Variants in CHODL observed in about 807,000 individuals in gnomAD.
CHODL encodes transmembrane protein MT75.
CHODL carries 29 observed loss-of-function variants against 34.5 expected under a neutral mutation model. That is an observed-to-expected ratio of 0.84 (90% CI 0.63 to 1.15). CHODL has a LOEUF of 1.15. CHODL is among the 50% of genes most tolerant of loss of function. The pLI, the probability that CHODL is intolerant of heterozygous loss-of-function variation, is 0.00. For synonymous variants in CHODL, 125 were observed against 116.1 expected (o/e 1.08, Z -0.49); for missense variants, 332 against 332.5 (o/e 1.00, Z 0.01).
chr21:17,979,867 T>C (rs565970856), intron 1 of CHODL, among the ~76,000 whole-genome samples: 4 of 152,322 alleles, frequency 2.6e-5, no homozygotes, highest in Non-Finnish European at 5.9e-5. Flanking sequence ...ACATCTGGAA[T>C]AACTTTATCT....
chr21:18,251,459 TTTATTTATTTTAA>T (rs1361443072), intron 1 of CHODL, among the ~76,000 whole-genome samples: 2 of 14,690 alleles, frequency 1.4e-4, no homozygotes, highest in South Asian at 2.0e-3. Flanking sequence ...ACATATTTAT[TTTATTTATTTTAA>T]TTATTTATTT....
intron 1 of CHODL, among the ~76,000 whole-genome samples, chr21:17,942,861 C>T (rs2063376649): frequency 1.3e-5 from 2 of 152,174 alleles, no homozygotes; most frequent in Non-Finnish European, 2.9e-5. Flanking sequence ...GTGATTGGAT[C>T]ATGGGGGTGG....
chr21:18,264,918 G>A (rs2074433576), intron 5 of CHODL, among the ~76,000 whole-genome samples: 1 of 152,006 alleles, frequency 6.6e-6, no homozygotes, highest in Non-Finnish European at 1.5e-5. Context: ...AGAAGCGATG[G>A]GAGGAGGGGA....
chr21:18,037,521 A>G (rs1027904522), intron 2 of CHODL, among the ~76,000 whole-genome samples: 2 of 151,914 alleles, frequency 1.3e-5, no homozygotes, highest in African/African-American at 4.8e-5. Context: ...AGAAGCAGAA[A>G]GTCATTAGGA....
At chr21:18,251,781 TA>T (rs2074259897) in intron 1 of CHODL, among the ~76,000 whole-genome samples, 1 of 145,290 alleles carries the variant, frequency 6.9e-6, no homozygotes, top group African/African-American at 2.5e-5. Context: ...AATATTTATA[TA>T]CTTTATATAA....
chr21:18,145,676 TTC>T (rs148246879), intron 2 of CHODL, among the ~76,000 whole-genome samples: 40 of 152,288 alleles, frequency 2.6e-4, no homozygotes, highest in African/African-American at 9.6e-4. Context: ...ATTACTGTGT[TTC>T]TAAGACTTCA....
At chr21:18,206,063 T>G (rs556331487) in intron 2 of CHODL, among the ~76,000 whole-genome samples, 1 of 152,218 alleles carries the variant, frequency 6.6e-6, no homozygotes. Flanking sequence ...ATGTAGTCTA[T>G]CCTTGATAAT....
chr21:18,185,153 C>T (rs527446856), intron 2 of CHODL, among the ~76,000 whole-genome samples: 2 of 152,110 alleles, frequency 1.3e-5, no homozygotes, highest in African/African-American at 2.4e-5. Flanking sequence ...AGGTATTTCT[C>T]CTAATGCTAT....
chr21:18,238,036 A>G (rs1178032617), intron 2 of CHODL, among the ~76,000 whole-genome samples: 1 of 152,106 alleles, frequency 6.6e-6, no homozygotes, highest in East Asian at 1.9e-4. Context: ...TTAGATCATT[A>G]GTCAGGGAAA....
At chr21:17,940,341 A>G (rs2063352776) in intron 1 of CHODL, among the ~76,000 whole-genome samples, 1 of 152,248 alleles carries the variant, frequency 6.6e-6, no homozygotes, top group South Asian at 2.1e-4. Flanking sequence ...GAATTGAGCT[A>G]TATTCATACA....
intron 2 of CHODL, among the ~76,000 whole-genome samples, chr21:18,075,465 C>T (rs578240898): frequency 6.6e-6 from 1 of 152,156 alleles, no homozygotes; most frequent in Non-Finnish European, 1.5e-5. Context: ...GTCAGACACT[C>T]TTGGATTGAC....
At chr21:17,975,710 G>A (rs977294153) in intron 1 of CHODL, among the ~76,000 whole-genome samples, 6 of 152,172 alleles carry the variant, frequency 3.9e-5, no homozygotes, top group African/African-American at 1.2e-4. Flanking sequence ...TTCAAGGACT[G>A]CTGTCCTCTT....
chr21:18,073,573 TTA>T (rs1054056483), intron 2 of CHODL, among the ~76,000 whole-genome samples: 2 of 152,078 alleles, frequency 1.3e-5, no homozygotes, highest in Non-Finnish European at 2.9e-5. Flanking sequence ...AATTTCCACC[TTA>T]TCTTTTTACT....
At chr21:17,969,954 G>A (rs2063601281) in intron 1 of CHODL, among the ~76,000 whole-genome samples, 1 of 152,028 alleles carries the variant, frequency 6.6e-6, no homozygotes, top group South Asian at 2.1e-4. Context: ...ATATCTGTTA[G>A]AGTAACACTC....
intron 2 of CHODL, among the ~76,000 whole-genome samples, chr21:18,222,534 G>C (rs952010130): frequency 6.6e-6 from 1 of 152,120 alleles, no homozygotes; most frequent in African/African-American, 2.4e-5. Context: ...GAGCTGAGGG[G>C]CTTTTTTTGT....
At chr21:18,048,780 G>A (rs949068917) in intron 2 of CHODL, among the ~76,000 whole-genome samples, 1 of 151,856 alleles carries the variant, frequency 6.6e-6, no homozygotes, top group African/African-American at 2.4e-5. Flanking sequence ...TGCATTTACA[G>A]TTGTTAGTAC....
chr21:18,135,325 T>A (rs1373809454), intron 2 of CHODL, among the ~76,000 whole-genome samples: 1 of 152,164 alleles, frequency 6.6e-6, no homozygotes, highest in African/African-American at 2.4e-5. Context: ...CTCTTCAGGT[T>A]CCCTACTATG....
Position 18,193,567 on chromosome 21 carries a change from A to T in CHODL, c.-44-62942A>T, listed in dbSNP as rs1202101317. On this transcript the variant is annotated intron_variant, in intron 2 of 6. Coordinates refer to the CHODL transcript ENST00000400127. Reference sequence around the variant, plus strand: ...AAAAATTAGCCACACATGGTGGCCCATGCCTGTAATCCCAGCTACTTGAGA... The same window carrying T: ...AAAAATTAGCCACACATGGTGGCCCTTGCCTGTAATCCCAGCTACTTGAGA... 2.6e-5 allele frequency among the ~76,000 whole-genome samples: 4 copies of T among 151,738 alleles called. No homozygotes were observed. The East Asian group carries it at 7.8e-4, about 29-fold the overall frequency.
At chr21:17,990,767 T>G (rs1182930101) in intron 1 of CHODL, among the ~76,000 whole-genome samples, 3 of 152,138 alleles carry the variant, frequency 2.0e-5, no homozygotes, top group Non-Finnish European at 2.9e-5. Flanking sequence ...AATAATCAAA[T>G]CAGTAATTAG....
Sources: gnomAD v4.1 joint callset for allele counts (sites outside exome capture counted in the v4.1 genomes callset) on GRCh38, gnomAD v4.1.1 for gene constraint, MANE v1.5 for transcripts, NCBI Gene and HGNC (gene_info 2026-07-23, HGNC 2026-07-21) for gene names.